The following KIFC3 variants were observed in gnomAD, a reference collection of about 807,000 sequenced individuals.
The protein encoded by KIFC3 is kinesin-like protein KIFC3.
A neutral mutation model predicts 101.8 loss-of-function variants in KIFC3; 60 were observed. The observed-to-expected ratio is 0.59, with a 90% CI of 0.48 to 0.73. The LOEUF (loss-of-function observed/expected upper bound fraction) is 0.73. Ranked by LOEUF, KIFC3 falls within the 30% of genes least tolerant of loss-of-function variation. The pLI is 0.00. For missense variants in KIFC3, 966 were observed against 1,137.1 expected (o/e 0.85, Z 2.16); for synonymous variants, 476 against 482.7 (o/e 0.99, Z 0.18).
intron 1 of KIFC3, among the ~76,000 whole-genome samples, chr16:57,850,604 T>C (rs954135552): frequency 1.4e-5 from 2 of 146,338 alleles, no homozygotes; most frequent in Non-Finnish European, 3.0e-5. Flanking sequence ...GCCTCCCAAA[T>C]AGCTGGGATT....
chr16:57,799,784 CA>C lies in KIFC3; in HGVS notation c.-39-1503del, dbSNP rs573534910. Among the ~76,000 whole-genome samples the C allele has an allele frequency of 8.8e-3, 1,334 of 152,278 alleles. 9 individuals carry two copies. Among genetic ancestry groups the C allele is most frequent in the Non-Finnish European group, 0.016 (1,084 of 68,028 alleles). On this transcript the variant is annotated intron_variant, in intron 1 of 19. Transcript: ENST00000445690. The stretch of plus-strand genomic sequence containing the variant: ...GAAGCTGAGAGAGGGACAGGAGCTC[CA>C]GGCAAGTATAGAGTTTTCAGAAGTG...
At chr16:57,781,621 TGAG>T (rs1188899815) in intron 3 of KIFC3, among the ~76,000 whole-genome samples, 5 of 152,186 alleles carry the variant, frequency 3.3e-5, no homozygotes, top group African/African-American at 9.7e-5. Context: ...GGCACAGCAA[TGAG>T]GAGGTCTGAG....
intron 1 of KIFC3, among the ~76,000 whole-genome samples, chr16:57,853,315 C>T (rs956147954): frequency 3.9e-5 from 6 of 151,972 alleles, no homozygotes; most frequent in African/African-American, 7.2e-5. Context: ...GCTACCTGGA[C>T]GGCTGGGGCA....
Position 57,765,588 on chromosome 16 carries a change from T to C in KIFC3, c.1383A>G (p.Glu461=), listed in dbSNP as rs2050396756. The C allele has an allele frequency of 8.1e-6, 13 of 1,611,234 alleles. No individual in the cohort carries two copies. The highest frequency in any genetic ancestry group is 6.7e-5 in the Admixed American group (4 of 59,710). The change falls in exon 11 of 20, where the codon GAA becomes GAG. Residue 461 remains glutamate (E), a synonymous_variant. Coordinates refer to ENST00000445690, the MANE Select transcript of KIFC3 (RefSeq NM_001130100.2). ...RVRPVTKEDG[E]GPEATNAVTF... ...TCACAGCATTGGTGGCCTCAGGTCC[T>C]TCCCCATCCTCTTTGGTGACTGGCC...
At position 57,762,225 on chromosome 16, in the gene KIFC3, G is replaced by A. The variant is rs1344079924; in HGVS notation, c.1663C>T (p.Leu555Phe). 1 of 1,604,522 alleles carries A rather than the reference G, an allele frequency of 6.2e-7. No individual in the cohort carries two copies. The highest frequency in any genetic ancestry group is 8.5e-7 in the Non-Finnish European group (1 of 1,176,482). ...GCCTTCTCCTGCACCTCGGAGAAGAGCAGCTGCAGGGCCCGCTGGTTGATA... is the reference window on the plus strand; with the variant it reads ...GCCTTCTCCTGCACCTCGGAGAAGAACAGCTGCAGGGCCCGCTGGTTGATA... Reference protein sequence around the residue: ...PGINQRALQLLFSEVQEKASD... With the variant: ...PGINQRALQLFFSEVQEKASD... Residue 555 changes from leucine (L) to phenylalanine (F), a missense_variant, in exon 13 of 20, where the codon CTC becomes TTC. Physicochemically the swap from Leu to Phe is conservative, Grantham distance 22. Transcript: ENST00000445690.
chr16:57,788,807 G>A, intron 3 of KIFC3: 1 of 1,200,570 alleles, frequency 8.3e-7, no homozygotes, highest in Non-Finnish European at 1.1e-6. Context: ...AGCTGGCAAG[G>A]ATCCCAGGGC....
intron 1 of KIFC3, among the ~76,000 whole-genome samples, chr16:57,825,385 C>T (rs1424782032): frequency 1.3e-5 from 2 of 152,230 alleles, no homozygotes; most frequent in East Asian, 1.9e-4. Flanking sequence ...CGGCTCCATT[C>T]ATGAAAGCAT....
chr16:57,798,072 C>G lies in KIFC3; in HGVS notation c.172G>C (p.Gly58Arg). The G allele has an allele frequency of 6.3e-7, 1 of 1,592,590 alleles. No individual in the cohort carries two copies. The highest frequency in any genetic ancestry group is 8.5e-7 in the Non-Finnish European group (1 of 1,169,864). ...PHTGPGRLRT[G>R]RGKDTPVCGD... ...AGGCATTTTAAAAATGCGGACTCAC[C>G]AGTTCTCAACCTCCCCGGGCCGGTG... is the stretch of plus-strand genomic sequence containing the variant. Residue 58 changes from glycine (G) to arginine (R), a missense_variant and splice_region_variant, in exon 2 of 20, where the codon GGG becomes CGG. By Grantham distance (125) the Gly-to-Arg change is moderately radical. Transcript: ENST00000445690.
At chr16:57,770,999 C>T (rs1233771843) in intron 6 of KIFC3, among the ~76,000 whole-genome samples, 199 bp downstream of exon 6, 3 of 152,234 alleles carry the variant, frequency 2.0e-5, no homozygotes, top group Non-Finnish European at 4.4e-5. Context: ...TGCCTGGCAC[C>T]TCAGCTGTTG....
At chr16:57,815,475 C>T in intron 1 of KIFC3, 1 of 1,224,010 alleles carries the variant, frequency 8.2e-7, no homozygotes, top group Non-Finnish European at 1.0e-6. Flanking sequence ...CAAGACTCTG[C>T]CCATCACCCC....
chr16:57,814,010 G>A (rs1053031734), intron 1 of KIFC3: 1 of 305,356 alleles, frequency 3.3e-6, no homozygotes, highest in Non-Finnish European at 4.8e-6. Context: ...TGGCTGCAGA[G>A]TCCAAGTCTT....
intron 3 of KIFC3, among the ~76,000 whole-genome samples, chr16:57,773,655 A>G (rs1369531274): frequency 6.6e-6 from 1 of 152,190 alleles, no homozygotes; most frequent in Non-Finnish European, 1.5e-5. Context: ...TCTAAAAAAA[A>G]TAAAATAAAA....
chr16:57,856,104 A>C (rs986083947), intron 1 of KIFC3, among the ~76,000 whole-genome samples: 6 of 152,074 alleles, frequency 3.9e-5, no homozygotes, highest in South Asian at 2.1e-4. Flanking sequence ...TGGGAGGATC[A>C]CTTGAGCCCA....
At chr16:57,774,415 A>T (rs1358716316) in intron 3 of KIFC3, 4 of 152,382 alleles carry the variant, frequency 2.6e-5, no homozygotes, top group Admixed American at 1.3e-4. Flanking sequence ...GCTCATCAAC[A>T]TATTAAGTCC....
chr16:57,778,732 C>T (rs1443639078), intron 3 of KIFC3, among the ~76,000 whole-genome samples: 1 of 152,166 alleles, frequency 6.6e-6, no homozygotes, highest in African/African-American at 2.4e-5. Context: ...TACCACTGCA[C>T]ACCTATTAGG....
intron 1 of KIFC3, among the ~76,000 whole-genome samples, chr16:57,818,051 CAG>C (rs2055270411): frequency 6.6e-6 from 1 of 150,970 alleles, no homozygotes; most frequent in Non-Finnish European, 1.5e-5. Context: ...TGTTTTGAGA[CAG>C]AGTCTCACTT....
chr16:57,815,338 G>C, intron 1 of KIFC3: 1 of 784,120 alleles, frequency 1.3e-6, no homozygotes, highest in Non-Finnish European at 1.7e-6. Flanking sequence ...AGTAGCTCCG[G>C]GTTGCTTCTG....
intron 1 of KIFC3, among the ~76,000 whole-genome samples, chr16:57,849,712 G>A (rs2056008049): frequency 2.0e-5 from 3 of 151,990 alleles, no homozygotes. Context: ...AGACCAGCCT[G>A]GCCAGCATGA....
intron 3 of KIFC3, chr16:57,774,981 T>C: frequency 6.5e-7 from 1 of 1,533,848 alleles, no homozygotes; most frequent in Non-Finnish European, 8.7e-7. Context: ...CGCACTAACC[T>C]TGATCATCTC....
Sources: gnomAD v4.1 joint callset for allele counts (sites outside exome capture counted in the v4.1 genomes callset) on GRCh38, gnomAD v4.1.1 for gene constraint, MANE v1.5 for transcripts, NCBI Gene and HGNC (gene_info 2026-07-23, HGNC 2026-07-21) for gene names.